MLIP: variants seen among roughly 807,000 people sequenced by gnomAD.
MLIP encodes muscular LMNA-interacting protein.
A neutral mutation model predicts 84.8 loss-of-function variants in MLIP; 79 were observed. The ratio of observed to expected loss-of-function variants is 0.93; its 90% CI spans 0.78 to 1.12. MLIP has a LOEUF of 1.12. MLIP is among the 50% of genes most tolerant of loss of function. The pLI is 0.00. For synonymous variants in MLIP, 504 were observed against 463.0 expected (o/e 1.09, Z -1.14); for missense variants, 1,257 against 1,160.6 (o/e 1.08, Z -1.21).
intron 12 of MLIP, among the ~76,000 whole-genome samples, chr6:54,233,898 A>T (rs1781183947): frequency 6.6e-6 from 1 of 152,136 alleles, no homozygotes; most frequent in Admixed American, 6.5e-5. Context: ...TCTAACTGGC[A>T]TGAGATCGTA....
chr6:54,239,125 A>C (rs1781553384), intron 12 of MLIP, among the ~76,000 whole-genome samples: 1 of 151,928 alleles, frequency 6.6e-6, no homozygotes, highest in Non-Finnish European at 1.5e-5. Flanking sequence ...TCTCTTAAAA[A>C]ATCTCTACCA....
intron 13 of MLIP, 121 bp downstream of exon 13, chr6:54,257,482 A>T: frequency 1.5e-6 from 1 of 687,974 alleles, no homozygotes; most frequent in Non-Finnish European, 2.4e-6. Context: ...AAGAATTATT[A>T]CTAACTGTTT....
rs1771991677 is a variant in MLIP, at chr6:54,138,217, A to G, written c.2148A>G (p.Thr716=). ...CCCCATCACTTCCCATATCTCTAAC[A>G]AGGACAGAGGAGCTGATTTCACCTT... ...VSTPSLPISL[T]RTEELISPCA... Residue 716 remains threonine, a synonymous_variant, in exon 4 of 14, where the codon ACA becomes ACG. Transcript: ENST00000502396. 6.5e-6 allele frequency: 10 copies of G among 1,535,918 alleles called. No individual in the cohort carries two copies. The highest frequency in any genetic ancestry group is 8.7e-6 in the Non-Finnish European group (10 of 1,146,856).
intron 8 of MLIP, among the ~76,000 whole-genome samples, chr6:54,161,546 A>G (rs559025383): frequency 8.2e-4 from 124 of 152,012 alleles, no homozygotes; most frequent in African/African-American, 2.9e-3. Flanking sequence ...GTTATTAGCT[A>G]CTGATTTTTT....
At chr6:54,244,748 G>A (rs543099855) in intron 12 of MLIP, among the ~76,000 whole-genome samples, 1 of 152,174 alleles carries the variant, frequency 6.6e-6, no homozygotes, top group South Asian at 2.1e-4. Context: ...ATTTTTTCCA[G>A]GAAACTGAGA....
chr6:54,219,295 A>G (rs1780062700), intron 11 of MLIP, among the ~76,000 whole-genome samples: 1 of 151,178 alleles, frequency 6.6e-6, no homozygotes, highest in Non-Finnish European at 1.5e-5. Context: ...TTTTATTTAT[A>G]TCTTTAATCT....
At chr6:54,183,510 C>T (rs1228762244) in intron 9 of MLIP, among the ~76,000 whole-genome samples, 2 of 151,958 alleles carry the variant, frequency 1.3e-5, no homozygotes, top group East Asian at 3.9e-4. Context: ...CAAACTTCTG[C>T]TTGATCTGAT....
chr6:54,248,521 C>A (rs551192659), intron 12 of MLIP, among the ~76,000 whole-genome samples: 1 of 152,052 alleles, frequency 6.6e-6, no homozygotes, highest in Non-Finnish European at 1.5e-5. Context: ...AGAAACAACT[C>A]TAGATGAAAA....
intron 11 of MLIP, among the ~76,000 whole-genome samples, chr6:54,228,468 G>A (rs1318761893): frequency 6.6e-6 from 1 of 152,192 alleles, no homozygotes; most frequent in East Asian, 1.9e-4. Flanking sequence ...GTGCTGATAA[G>A]ATTCTGCTCT....
At chr6:54,216,831 T>C in intron 11 of MLIP, 1 of 985,362 alleles carries the variant, frequency 1.0e-6, no homozygotes. Flanking sequence ...TAGTGAAATG[T>C]AGATAATCAC....
intron 1 of MLIP, among the ~76,000 whole-genome samples, chr6:54,094,658 G>T (rs972525080): frequency 1.3e-5 from 2 of 150,568 alleles, no homozygotes; most frequent in African/African-American, 4.9e-5. Flanking sequence ...CATAATTTCT[G>T]TGCTACACTA....
intron 1 of MLIP, among the ~76,000 whole-genome samples, chr6:54,077,039 G>C (rs1189601922): frequency 6.6e-6 from 1 of 152,152 alleles, no homozygotes. Flanking sequence ...AACAAATACT[G>C]AGAGAACCTC....
intron 9 of MLIP, among the ~76,000 whole-genome samples, chr6:54,183,749 T>TTG (rs1777119903): frequency 6.8e-6 from 1 of 147,672 alleles, no homozygotes; most frequent in East Asian, 2.1e-4. Context: ...GTAAGTTTTT[T>TTG]TTTTTTTTTT....
chr6:54,192,129 A>T (rs554753318), intron 10 of MLIP, among the ~76,000 whole-genome samples: 2 of 152,148 alleles, frequency 1.3e-5, no homozygotes, highest in East Asian at 3.9e-4. Context: ...AAAACTACAA[A>T]GCATTGCTTT....
Position 54,262,633 on chromosome 6 carries a change from C to A in MLIP, c.2977-3317C>A, listed in dbSNP as rs1292484186. Among the ~76,000 whole-genome samples the A allele has an allele frequency of 2.6e-5, 4 of 152,054 alleles. No homozygotes were observed. In the East Asian group the frequency reaches 7.8e-4, roughly 30 times the overall value. On this transcript the variant is annotated intron_variant, in intron 13 of 13. Coordinates refer to ENST00000502396, the MANE Select transcript of MLIP (RefSeq NM_001281747.2). Reference sequence around the variant, plus strand: ...ACTGGCAGATGGGGATGATGTCTTTCTTGGTTGTTTACATTTAAAGGACAT... The same window carrying A: ...ACTGGCAGATGGGGATGATGTCTTTATTGGTTGTTTACATTTAAAGGACAT...
chr6:54,114,262 T>C (rs1291124734), intron 1 of MLIP, among the ~76,000 whole-genome samples: 1 of 152,238 alleles, frequency 6.6e-6, no homozygotes, highest in Non-Finnish European at 1.5e-5. Context: ...ATATCATCTA[T>C]GGGTTAACAA....
chr6:54,079,330 C>T (rs868780104), intron 1 of MLIP, among the ~76,000 whole-genome samples: 1 of 152,120 alleles, frequency 6.6e-6, no homozygotes, highest in Non-Finnish European at 1.5e-5. Flanking sequence ...AGGTAAAGCA[C>T]CTCTAATGCA....
At chr6:54,166,096 G>T (rs1775153636) in intron 8 of MLIP, among the ~76,000 whole-genome samples, 1 of 151,864 alleles carries the variant, frequency 6.6e-6, no homozygotes, top group Non-Finnish European at 1.5e-5. Flanking sequence ...TGTTATAGCG[G>T]CCCAAATGTG....
intron 11 of MLIP, chr6:54,216,575 A>G (rs1562069476): frequency 3.1e-6 from 3 of 979,204 alleles, no homozygotes; most frequent in African/African-American, 1.7e-5. Flanking sequence ...TCCAAATTCT[A>G]TCTTAAAAAT....
Sources: gnomAD v4.1 joint callset for allele counts (sites outside exome capture counted in the v4.1 genomes callset) on GRCh38, gnomAD v4.1.1 for gene constraint, MANE v1.5 for transcripts, NCBI Gene and HGNC (gene_info 2026-07-23, HGNC 2026-07-21) for gene names.